The following MDN1 variants were observed in gnomAD, a reference collection of about 807,000 sequenced individuals.
The protein encoded by MDN1 is midasin.
A neutral mutation model predicts 669.2 loss-of-function variants in MDN1; 266 were observed. That is an observed-to-expected ratio of 0.40 (90% CI 0.36 to 0.44). MDN1 has a LOEUF of 0.44. MDN1 is among the 20% of genes least tolerant of loss of function. The pLI, the probability that MDN1 is intolerant of heterozygous loss-of-function variation, is 1.00. For missense variants in MDN1, 5,940 were observed against 6,754.0 expected (o/e 0.88, Z 4.22); for synonymous variants, 2,385 against 2,457.1 (o/e 0.97, Z 0.87).
At chr6:89,769,025 G>A (rs1180613860) in intron 15 of MDN1, among the ~76,000 whole-genome samples, 1 of 151,560 alleles carries the variant, frequency 6.6e-6, no homozygotes, top group East Asian at 1.9e-4. Context: ...CTGCACTCCA[G>A]TCTGGATGAC....
At chr6:89,697,919 C>T (rs752773598) in intron 59 of MDN1, among the ~76,000 whole-genome samples, 1 of 151,906 alleles carries the variant, frequency 6.6e-6, no homozygotes, top group Admixed American at 6.6e-5. Flanking sequence ...AACTATGACT[C>T]GAAAATTCAG....
At chr6:89,750,632 T>G in intron 23 of MDN1, 100 bp from the exon 24 acceptor site, 1 of 1,194,744 alleles carries the variant, frequency 8.4e-7, no homozygotes, top group Non-Finnish European at 1.2e-6. Context: ...ACAAAGGGTT[T>G]CACTCTGTTG....
intron 38 of MDN1, among the ~76,000 whole-genome samples, chr6:89,724,219 T>C (rs970780863): frequency 2.0e-5 from 3 of 152,186 alleles, no homozygotes; most frequent in African/African-American, 4.8e-5. Flanking sequence ...ATCTGGGTGG[T>C]AGATACGAGT....
At position 89,713,302 on chromosome 6, in the gene MDN1, A is replaced by T. The variant is rs78419174; in HGVS notation, c.7070-6T>A. ...TACAGAAGATGTTGGAGAACCTATT[A>T]AAAAAAAATTGCCATCTATAAACAA... On this transcript the variant is annotated splice_region_variant and splice_polypyrimidine_tract_variant and intron_variant, in intron 46 of 101. Coordinates refer to ENST00000369393, the MANE Select transcript of MDN1 (RefSeq NM_014611.3). The T allele has an allele frequency of 1.1e-5, 17 of 1,582,798 alleles. No individual in the cohort carries two copies. Among genetic ancestry groups the T allele is most frequent in the African/African-American group, 9.5e-5 (7 of 73,518 alleles).
At chr6:89,706,798 T>A (rs1238852235) in intron 52 of MDN1, among the ~76,000 whole-genome samples, 4 of 152,188 alleles carry the variant, frequency 2.6e-5, no homozygotes, top group African/African-American at 4.8e-5. Flanking sequence ...TAAGTACATA[T>A]GTTTAGATAG....
Position 89,672,627 on chromosome 6 carries a change from C to G in MDN1, c.13550G>C (p.Cys4517Ser). ...TCTTTCTTCTAAGTTCTGGATGGCA[C>G]AGAGGATGGCTCGGATGGCAATTTC... ...QMEIAIRAIL[C>S]AIQNLEERKN... Residue 4517 changes from cysteine (C) to serine (S), a missense_variant, in exon 81 of 102, where the codon TGT becomes TCT. Cys to Ser is a moderately radical substitution (Grantham distance 112). This residue lies in a region of MDN1 where 2,280 missense variants were observed against 2,576.3 expected (regional missense o/e 0.88). Transcript: ENST00000369393. 1 of 1,614,160 alleles carries G rather than the reference C, an allele frequency of 6.2e-7. No individual in the cohort carries two copies. The highest frequency in any genetic ancestry group is 1.1e-5 in the South Asian group (1 of 91,080).
intron 26 of MDN1, among the ~76,000 whole-genome samples, chr6:89,747,823 G>C (rs1200232832): frequency 4.0e-5 from 6 of 150,970 alleles, no homozygotes; most frequent in Non-Finnish European, 5.9e-5. Flanking sequence ...CCCGGGAGGG[G>C]GAGCTTGCAG....
At chr6:89,746,611 A>AAAAAAAGAAAGAAAG (rs1554191094) in intron 27 of MDN1, among the ~76,000 whole-genome samples, 3 of 40,530 alleles carry the variant, frequency 7.4e-5, no homozygotes, top group African/African-American at 2.7e-4. Flanking sequence ...AAAAAAAAAA[A>AAAAAAAGAAAGAAAG]AAAGAAAGAA....
At chr6:89,796,361 A>C (rs1368215346) in intron 2 of MDN1, among the ~76,000 whole-genome samples, 4 of 150,330 alleles carry the variant, frequency 2.7e-5, no homozygotes, top group Admixed American at 1.3e-4. Context: ...CAAAAAAAAA[A>C]ACCAAACACT....
chr6:89,650,683 C>T (rs2128298329), intron 96 of MDN1, 49 bp downstream of exon 96: 1 of 1,399,356 alleles, frequency 7.1e-7, no homozygotes, highest in Non-Finnish European at 1.0e-6. Flanking sequence ...ATCAATGAAG[C>T]TGCCGTCTTC....
In MDN1 at chr6:89,677,701, G is replaced by C. The variant is rs1483644542; in HGVS notation, c.12413-5C>G. On this transcript the variant is annotated splice_polypyrimidine_tract_variant and splice_region_variant and intron_variant, in intron 75 of 101. Coordinates refer to ENST00000369393, the MANE Select transcript of MDN1 (RefSeq NM_014611.3). Reference sequence around the variant, plus strand: ...GACCTTTGCGATACGACAAACCTAGGAAATAAACAGCATTTCTTTAAGCAA... The same window carrying C: ...GACCTTTGCGATACGACAAACCTAGCAAATAAACAGCATTTCTTTAAGCAA... 10 of 1,613,880 alleles carry C rather than the reference G, an allele frequency of 6.2e-6. No individual in the cohort carries two copies. The highest frequency in any genetic ancestry group is 1.3e-5 in the African/African-American group (1 of 74,918).
chr6:89,752,035 A>G (rs1019692283), intron 22 of MDN1, among the ~76,000 whole-genome samples: 8 of 152,232 alleles, frequency 5.3e-5, no homozygotes, highest in African/African-American at 1.9e-4. Context: ...CCCATTAAGG[A>G]TAATATTGTG....
At chr6:89,734,471 G>T (rs1326142671) in intron 33 of MDN1, among the ~76,000 whole-genome samples, 2 of 151,794 alleles carry the variant, frequency 1.3e-5, no homozygotes, top group Admixed American at 6.6e-5. Flanking sequence ...TGGCCAATAT[G>T]GCAAAACCCT....
At chr6:89,797,212 A>C (rs1819653546) in intron 2 of MDN1, among the ~76,000 whole-genome samples, 1 of 151,888 alleles carries the variant, frequency 6.6e-6, no homozygotes, top group South Asian at 2.1e-4. Context: ...TCTACTAAAA[A>C]TACAAAAATT....
chr6:89,676,038 C>G, intron 77 of MDN1, 64 bp downstream of exon 77: 3 of 1,476,282 alleles, frequency 2.0e-6, no homozygotes, highest in East Asian at 4.5e-5. Flanking sequence ...AGAATACAGC[C>G]CTGGGATGAA....
chr6:89,777,515 C>G (rs181876895), intron 11 of MDN1, among the ~76,000 whole-genome samples: 1 of 152,070 alleles, frequency 6.6e-6, no homozygotes, highest in Non-Finnish European at 1.5e-5. Context: ...GCTCAGGGAC[C>G]GAAACCTAAT....
chr6:89,719,033 G>A lies in MDN1; in HGVS notation c.6058-3C>T, dbSNP rs1338678300. On this transcript the variant is annotated splice_polypyrimidine_tract_variant and splice_region_variant and intron_variant, in intron 41 of 101. Transcript: ENST00000369393. The stretch of plus-strand genomic sequence containing the variant: ...CGGGAAAGGACTGAGTAGCCCAACT[G>A]AAAAGACATGCCAGTGAGATTTCCA... The A allele has an allele frequency of 1.1e-5, 17 of 1,614,064 alleles. No homozygotes were observed. The highest frequency in any genetic ancestry group is 1.4e-5 in the Non-Finnish European group (16 of 1,179,942).
intron 27 of MDN1, 123 bp downstream of exon 27, chr6:89,747,206 C>G (rs1011151624): frequency 1.8e-6 from 2 of 1,125,860 alleles, no homozygotes; most frequent in African/African-American, 3.1e-5. Context: ...TGGAGGGAAA[C>G]AGGCTCTCTG....
chr6:89,814,256 C>G (rs1222596734), intron 1 of MDN1, among the ~76,000 whole-genome samples: 2 of 152,070 alleles, frequency 1.3e-5, no homozygotes, highest in African/African-American at 2.4e-5. Context: ...TCTGGCACAG[C>G]TAACCAGCAT....
Sources: allele counts gnomAD v4.1 joint callset (sites outside exome capture counted in the v4.1 genomes callset), GRCh38; gene constraint gnomAD v4.1.1; regional missense constraint gnomAD v4.1.1; transcripts MANE v1.5; gene names NCBI Gene and HGNC (gene_info 2026-07-23, HGNC 2026-07-21).